Variants in ATRN observed in about 807,000 individuals in gnomAD.
The protein encoded by ATRN is attractin-2.
ATRN carries 54 observed loss-of-function variants against 178.7 expected under a neutral mutation model. The ratio of observed to expected loss-of-function variants is 0.30; its 90% confidence interval spans 0.24 to 0.38. The LOEUF (loss-of-function observed/expected upper bound fraction) is 0.38. Among genes scored for constraint, ATRN ranks in the 10% least tolerant of loss-of-function variants. ATRN has a pLI of 1.00. For synonymous variants in ATRN, 636 were observed against 663.0 expected, an observed-to-expected ratio of 0.96 and a Z score of 0.63; for missense variants, 1,443 against 1,815.1, an observed-to-expected ratio of 0.79 and a Z score of 3.73.
At chr20:3,633,689 G>C (rs6115970) in intron 25 of ATRN, among the ~76,000 whole-genome samples, 7,947 of 152,182 alleles carry the variant, frequency 0.052, 702 homozygotes, top group African/African-American at 0.18. Flanking sequence ...TTCCACACCT[G>C]GTTTATACAT....
chr20:3,620,168 T>A (rs375468345), intron 24 of ATRN, among the ~76,000 whole-genome samples: 2 of 152,062 alleles, frequency 1.3e-5, no homozygotes, highest in South Asian at 4.2e-4. Context: ...TTTTTTTCAA[T>A]GCAGTTCCTG....
chr20:3,512,885 T>C (rs1600059122), intron 1 of ATRN, among the ~76,000 whole-genome samples: 1 of 152,370 alleles, frequency 6.6e-6, no homozygotes, highest in East Asian at 1.9e-4. Context: ...TTCACGTGTC[T>C]GTTGGCTGCA....
chr20:3,490,724 G>A lies in ATRN; in HGVS notation c.410+19207G>A, dbSNP rs2084780428. Reference sequence around the variant, plus strand: ...ACATTGGCACACAGATCTCATTTGGGTGCTTCTGGTGGAATTCCTTTATTT... The same window carrying A: ...ACATTGGCACACAGATCTCATTTGGATGCTTCTGGTGGAATTCCTTTATTT... On this transcript the variant is annotated intron_variant, in intron 1 of 28. Coordinates refer to ENST00000262919, the MANE Select transcript of ATRN (RefSeq NM_139321.3). 9 of 794,972 alleles carry A rather than the reference G, an allele frequency of 1.1e-5. No homozygotes were observed. In the South Asian group the frequency reaches 1.2e-4, roughly 11 times the overall value. 49.2% of individuals were successfully genotyped at this position (794,972 alleles called of 1,614,324 possible).
chr20:3,535,805 T>C (rs2085523632), intron 2 of ATRN, among the ~76,000 whole-genome samples: 1 of 152,042 alleles, frequency 6.6e-6, no homozygotes, highest in African/African-American at 2.4e-5. Flanking sequence ...TAATTTTGTA[T>C]TTTTAGTAGA....
intron 1 of ATRN, among the ~76,000 whole-genome samples, chr20:3,501,619 C>G (rs1600041673): frequency 1.3e-5 from 2 of 152,278 alleles, no homozygotes; most frequent in South Asian, 4.1e-4. Flanking sequence ...TTTTAAAAAT[C>G]TGCTTGAAGG....
chr20:3,501,347 A>G (rs943205180), intron 1 of ATRN, among the ~76,000 whole-genome samples: 14 of 152,200 alleles, frequency 9.2e-5, no homozygotes, highest in African/African-American at 3.4e-4. Flanking sequence ...AATCCCAGAA[A>G]GCAACCTAGG....
chr20:3,584,985 C>A, intron 18 of ATRN, 105 bp downstream of exon 18: 1 of 1,064,532 alleles, frequency 9.4e-7, no homozygotes, highest in South Asian at 1.5e-5. Context: ...CCCTCAGCCC[C>A]TTTCCTTCCT....
Position 3,647,149 on chromosome 20 carries a change from C to T in ATRN, c.*302C>T, listed in dbSNP as rs1424047968. On this transcript the variant is annotated 3_prime_UTR_variant, in exon 29 of 29. Transcript: ENST00000262919. ...CAGTGAGAGAACTAGGAATGACACT[C>T]AGGTTCACTGTGGAAAACTGTTCTT... 1 of 226,768 alleles carries T rather than the reference C, an allele frequency of 4.4e-6. No homozygotes were observed. The highest frequency in any genetic ancestry group is 8.7e-6 in the Non-Finnish European group (1 of 114,328). 14.0% of individuals were successfully genotyped at this position (226,768 alleles called of 1,614,324 possible).
At chr20:3,541,045 C>G (rs2085611609) in intron 3 of ATRN, among the ~76,000 whole-genome samples, 2 of 146,052 alleles carry the variant, frequency 1.4e-5, no homozygotes, top group South Asian at 2.2e-4. Context: ...TCAAAACTAT[C>G]TCTAGTTTTC....
At chr20:3,584,997 C>T (rs1013494020) in intron 18 of ATRN, 117 bp downstream of exon 18, 1 of 975,546 alleles carries the variant, frequency 1.0e-6, no homozygotes, top group East Asian at 2.5e-5. Context: ...TTCCTTCCTC[C>T]TAATGGTTGG....
intron 14 of ATRN, among the ~76,000 whole-genome samples, 155 bp downstream of exon 14, chr20:3,577,152 C>T (rs2086224187): frequency 6.6e-6 from 1 of 152,130 alleles, no homozygotes; most frequent in Non-Finnish European, 1.5e-5. Flanking sequence ...TTGTTTTTAA[C>T]TAAAATACAG....
intron 1 of ATRN, among the ~76,000 whole-genome samples, chr20:3,482,357 G>C (rs948038656): frequency 7.3e-5 from 11 of 151,654 alleles, no homozygotes; most frequent in African/African-American, 2.7e-4. Context: ...ATTAAAAATA[G>C]TTTTCCTGTC....
At position 3,632,543 on chromosome 20, in the gene ATRN, G is replaced by A. The variant is rs192397677; in HGVS notation, c.3864-1768G>A. On this transcript the variant is annotated intron_variant, in intron 25 of 28. Coordinates refer to ENST00000262919, the MANE Select transcript of ATRN (RefSeq NM_139321.3). The surrounding 1 kb of genome is among the most constrained non-coding windows in gnomAD (Gnocchi z 4.2). ...TTTTTCCAGATGCACTTTTGCAGGC[G>A]TCCATGAGCCACCTCCCATACCTTC... 3.8e-3 allele frequency among the ~76,000 whole-genome samples: 580 copies of A among 152,200 alleles called. 3 individuals are homozygous for A. Among genetic ancestry groups the A allele is most frequent in the African/African-American group, 0.013 (538 of 41,532 alleles).
chr20:3,543,353 A>G (rs1234837940), intron 3 of ATRN, among the ~76,000 whole-genome samples: 3 of 152,246 alleles, frequency 2.0e-5, no homozygotes, highest in Non-Finnish European at 4.4e-5. Flanking sequence ...TTGAATACAT[A>G]GTAGAAAATG....
At chr20:3,515,918 C>T (rs899879175) in intron 1 of ATRN, among the ~76,000 whole-genome samples, 2 of 152,056 alleles carry the variant, frequency 1.3e-5, no homozygotes, top group South Asian at 4.1e-4. Flanking sequence ...AGGCATAGTA[C>T]GTGCATTTAG....
chr20:3,536,009 G>A (rs1353850093), intron 2 of ATRN, among the ~76,000 whole-genome samples: 1 of 152,026 alleles, frequency 6.6e-6, no homozygotes, highest in African/African-American at 2.4e-5. Flanking sequence ...ATCTATTTTT[G>A]TTGTGGATAA....
chr20:3,640,494 CAT>C (rs1336132158), intron 27 of ATRN, among the ~76,000 whole-genome samples: 1 of 152,040 alleles, frequency 6.6e-6, no homozygotes, highest in African/African-American at 2.4e-5. Flanking sequence ...AGAAGCAAAA[CAT>C]ATTGTAAGCA....
chr20:3,546,994 G>A (rs1481672739), intron 4 of ATRN, among the ~76,000 whole-genome samples: 1 of 152,230 alleles, frequency 6.6e-6, no homozygotes, highest in Non-Finnish European at 1.5e-5. Context: ...GGAGCTAACA[G>A]TTCTGCACAA....
intron 11 of ATRN, 50 bp from the exon 12 acceptor site, chr20:3,572,681 A>ATTGTTATCTG (rs1568737590): frequency 1.3e-6 from 2 of 1,495,516 alleles, no homozygotes; most frequent in African/African-American, 2.8e-5. Flanking sequence ...ATAGCATCCA[A>ATTGTTATCTG]TTGTTATCTG....
Sources: gnomAD v4.1 joint callset for allele counts (sites outside exome capture counted in the v4.1 genomes callset) on GRCh38, gnomAD v4.1.1 for gene constraint, Gnocchi (gnomAD v3.1) non-coding constraint, MANE v1.5 for transcripts, NCBI Gene and HGNC (gene_info 2026-07-23, HGNC 2026-07-21) for gene names.